Variants in SELENOW observed in about 807,000 individuals in gnomAD.
The protein encoded by SELENOW is selenoprotein W.
In SELENOW, 20 loss-of-function variants were observed where a neutral mutation model predicts 16.6. The ratio of observed to expected loss-of-function variants is 1.21; its 90% CI spans 0.85 to 1.76. The LOEUF is 1.76. Among genes scored for constraint, SELENOW ranks in the 40% most tolerant of loss-of-function variants. SELENOW has a pLI of 0.00. For missense variants in SELENOW, 124 were observed against 111.0 expected (o/e 1.12, Z -0.53); for synonymous variants, 44 against 46.2 (o/e 0.95, Z 0.19).
Position 47,781,304 on chromosome 19 carries a change from C to G in SELENOW, c.198C>G (p.Tyr66Ter). 6.2e-7 allele frequency: 1 copy of G among 1,613,580 alleles called. No homozygotes were observed. Among genetic ancestry groups the G allele is most frequent in the Non-Finnish European group, 8.5e-7 (1 of 1,179,590 alleles). ...LIHSKKKGDG[Y>*]VDTESKFLKL... ...CCCCTCCCTAGAAAGGCGATGGCTA[C>G]GTGGACACAGAAAGCAAGTTTCTGA... is the stretch of plus-strand genomic sequence containing the variant. Residue 66 changes from tyrosine to a stop codon, truncating the protein, a stop_gained, in exon 5 of 6, where the codon TAC (tyrosine) becomes TAG (stop). Coordinates refer to ENST00000601048, the MANE Select transcript of SELENOW (RefSeq NM_003009.4). LOFTEE classifies it high-confidence loss of function.
chr19:47,782,552 T>C (rs3786778), intron 5 of SELENOW: 6,103 of 151,890 alleles, frequency 0.04, 188 homozygotes, highest in East Asian at 0.13. Context: ...TTCTTTCTTT[T>C]TTTTTTGAGA....
chr19:47,781,000 G>A (rs760494799), intron 3 of SELENOW, 83 bp downstream of exon 3: 1 of 1,562,476 alleles, frequency 6.4e-7, no homozygotes, highest in African/African-American at 1.4e-5. Flanking sequence ...AGGGGGGTTA[G>A]GTCAGCCCTA....
At chr19:47,783,784 T>C (rs1486407953) in intron 5 of SELENOW, 1 of 152,122 alleles carries the variant, frequency 6.6e-6, no homozygotes, top group East Asian at 1.9e-4. Context: ...AGCAAATCCC[T>C]CTAACATAAA....
Position 47,778,824 on chromosome 19 carries a change from GCGGC to G in SELENOW, c.29+12_29+15del. ...TCCGAGTCGTTTATTGGTAAGCCCA[GCGGC>G]CAGCGGCCCCCGTCCCCGACCCCCG... On this transcript the variant is annotated intron_variant, in intron 1 of 5. Coordinates refer to ENST00000601048, the MANE Select transcript of SELENOW (RefSeq NM_003009.4). 2.5e-6 allele frequency: 4 copies of G among 1,599,606 alleles called. No homozygotes were observed. Among genetic ancestry groups the G allele is most frequent in the Middle Eastern group, 1.7e-4 (1 of 6,004 alleles).
chr19:47,780,850 C>G lies in SELENOW; in HGVS notation c.55-14C>G. ...TGGTATGACCCCTGCTGTGACCTCTCACCGCGTTTTCAGTATCTTCAGCTC... is the reference window on the plus strand; with the variant it reads ...TGGTATGACCCCTGCTGTGACCTCTGACCGCGTTTTCAGTATCTTCAGCTC... On this transcript the variant is annotated splice_polypyrimidine_tract_variant and intron_variant, in intron 2 of 5. Coordinates refer to ENST00000601048, the MANE Select transcript of SELENOW (RefSeq NM_003009.4). 6.2e-7 allele frequency: 1 copy of G among 1,612,340 alleles called. No homozygotes were observed. Among genetic ancestry groups the G allele is most frequent in the Non-Finnish European group, 8.5e-7 (1 of 1,179,336 alleles).
intron 1 of SELENOW, chr19:47,780,053 C>T (rs1967454201): frequency 4.6e-6 from 2 of 438,950 alleles, no homozygotes; most frequent in South Asian, 3.2e-5. Context: ...CCGAAATAGC[C>T]TGCTGTGGGG....
intron 5 of SELENOW, chr19:47,782,423 A>AGCCCCCCTTCCC (rs1967487172): frequency 6.6e-6 from 1 of 152,292 alleles, no homozygotes; most frequent in African/African-American, 2.4e-5. Context: ...AACACACTGT[A>AGCCCCCCTTCCC]AACCTGAGCC....
chr19:47,780,915 A>C lies in SELENOW; in HGVS notation c.106A>C (p.Ile36Leu). 6.2e-7 allele frequency: 1 copy of C among 1,613,532 alleles called. No individual in the cohort carries two copies. The highest frequency in any genetic ancestry group is 2.2e-5 in the East Asian group (1 of 44,794). ...AGATGAGTTCCCCGGCCGCCTGGAC[A>C]TCGTGAGTCTTGGGATGGGGAGAAA... is the stretch of plus-strand genomic sequence containing the variant. ...LEDEFPGRLD[I>L]CGEGTPQATG... The change falls in exon 3 of 6, where the codon ATC (isoleucine) becomes CTC (leucine). Residue 36 changes from isoleucine to leucine, a missense_variant and splice_region_variant. By Grantham distance (5) the Ile-to-Leu change is conservative. Transcript: ENST00000601048.
chr19:47,781,916 G>C (rs1160230261), intron 5 of SELENOW, among the ~76,000 whole-genome samples: 1 of 152,062 alleles, frequency 6.6e-6, no homozygotes, highest in African/African-American at 2.4e-5. Flanking sequence ...CAGGATGACA[G>C]CTGAGATAGG....
chr19:47,780,263 A>T, intron 1 of SELENOW: 1 of 368,350 alleles, frequency 2.7e-6, no homozygotes, highest in South Asian at 1.9e-5. Context: ...TGGTGTAAGA[A>T]TCCAGGAGCC....
rs752733974 is a variant in SELENOW, at chr19:47,780,768, C to T, written c.54+19C>T. On this transcript the variant is annotated intron_variant, in intron 2 of 5. Coordinates refer to ENST00000601048, the MANE Select transcript of SELENOW (RefSeq NM_003009.4). The stretch of plus-strand genomic sequence containing the variant: ...GTCCAAGGTAAGCAGAGTGGATGCC[C>T]GGGGGGCATTCCTGGGAGCTGGGGA... 15 of 1,573,656 alleles carry T rather than the reference C, an allele frequency of 9.5e-6. No individual in the cohort carries two copies. The Admixed American group carries it at 1.1e-4, about 12-fold the overall frequency.
chr19:47,783,718 G>A (rs1316745055), intron 5 of SELENOW: 1 of 152,188 alleles, frequency 6.6e-6, no homozygotes, highest in African/African-American at 2.4e-5. Flanking sequence ...ATTGGGACGT[G>A]CCAATTTGAA....
At chr19:47,780,575 C>T (rs1356462330) in intron 1 of SELENOW, 150 bp from the exon 2 acceptor site, 2 of 666,712 alleles carry the variant, frequency 3.0e-6, no homozygotes, top group Non-Finnish European at 2.7e-6. Flanking sequence ...GCATCTGTCA[C>T]CTCTTCTGCT....
rs1290052309 is a variant in SELENOW at position 47,784,406 on chromosome 19, A to G, written c.*135A>G. 1 of 152,534 alleles carries G rather than the reference A, an allele frequency of 6.6e-6. No individual in the cohort carries two copies. Among genetic ancestry groups the G allele is most frequent in the Non-Finnish European group, 1.5e-5 (1 of 68,066 alleles). The allele number at this position is 152,534 out of a possible 1,614,324, so 9.4% of individuals were successfully genotyped here. On this transcript the variant is annotated 3_prime_UTR_variant, in exon 6 of 6. Transcript: ENST00000601048. ...CTCGTGGCTGCTGTTGGGGGCAGAG[A>G]TTGACGCCCCCGGTCTTTGCCTCTG...
intron 5 of SELENOW, chr19:47,783,806 A>G (rs1967502459): frequency 6.6e-6 from 1 of 152,206 alleles, no homozygotes; most frequent in African/African-American, 2.4e-5. Flanking sequence ...GAAAAGAAAA[A>G]TGGAATTGCC....
In SELENOW at chr19:47,780,759, G is replaced by T. The variant is rs754855653; in HGVS notation, c.54+10G>T. ...AGGCTACAAGTCCAAGGTAAGCAGA[G>T]TGGATGCCCGGGGGGCATTCCTGGG... On this transcript the variant is annotated intron_variant, in intron 2 of 5. Transcript: ENST00000601048. 1.4e-5 allele frequency: 21 copies of T among 1,545,510 alleles called. No individual in the cohort carries two copies. In the Admixed American group the frequency reaches 2.4e-4, roughly 18 times the overall value.
At chr19:47,780,172 C>G (rs1431736228) in intron 1 of SELENOW, 2 of 450,282 alleles carry the variant, frequency 4.4e-6, no homozygotes, top group African/African-American at 4.0e-5. Context: ...CTTTGGGAGG[C>G]TGGGGCGGGC....
intron 5 of SELENOW, 54 bp downstream of exon 5, chr19:47,781,442 A>G (rs1967475919): frequency 1.0e-6 from 1 of 982,090 alleles, no homozygotes. Flanking sequence ...TCCCTGCCCC[A>G]TGCTCTGACT....
chr19:47,783,477 A>C (rs1967498946), intron 5 of SELENOW: 1 of 152,398 alleles, frequency 6.6e-6, no homozygotes. Flanking sequence ...TGCTGGGATT[A>C]TAGGCGTGAG....
Sources: gnomAD v4.1 joint callset for allele counts (sites outside exome capture counted in the v4.1 genomes callset) on GRCh38, gnomAD v4.1.1 for gene constraint, MANE v1.5 for transcripts, NCBI Gene and HGNC (gene_info 2026-07-23, HGNC 2026-07-21) for gene names.